Variants in CDH13 observed in about 807,000 individuals in gnomAD.
CDH13 encodes the protein cadherin-13.
Under a neutral mutation model 63.8 loss-of-function variants are expected in CDH13, and 24 were observed. That is an observed-to-expected ratio of 0.38 (90% CI 0.27 to 0.53). The LOEUF (loss-of-function observed/expected upper bound fraction) is 0.53, where lower values mean the gene tolerates loss of function less well. Ranked by LOEUF, CDH13 falls within the 20% of genes least tolerant of loss-of-function variation. CDH13 has a pLI of 0.85. For synonymous variants in CDH13, 503 were observed against 355.3 expected (o/e 1.42, Z -4.67); for missense variants, 1,049 against 903.1 (o/e 1.16, Z -2.07).
intron 10 of CDH13, among the ~76,000 whole-genome samples, chr16:83,691,417 G>T (rs978085776): frequency 6.6e-6 from 1 of 152,102 alleles, no homozygotes; most frequent in Non-Finnish European, 1.5e-5. Context: ...GTGAACGTAG[G>T]GCTGTGGCCA....
intron 3 of CDH13, among the ~76,000 whole-genome samples, chr16:83,086,319 A>G (rs1422714634): frequency 6.6e-6 from 1 of 152,240 alleles, no homozygotes; most frequent in Non-Finnish European, 1.5e-5. Flanking sequence ...CAGTATTTCA[A>G]TTCCAGATCT....
intron 7 of CDH13, among the ~76,000 whole-genome samples, chr16:83,581,516 C>T (rs543564265): frequency 6.6e-6 from 1 of 152,164 alleles, no homozygotes; most frequent in Non-Finnish European, 1.5e-5. Flanking sequence ...TCTCAGGCCA[C>T]CCTATTTAAA....
chr16:83,788,404 T>G (rs1272227882), intron 13 of CDH13, among the ~76,000 whole-genome samples: 1 of 152,164 alleles, frequency 6.6e-6, no homozygotes, highest in African/African-American at 2.4e-5. Context: ...TACAATATTT[T>G]TATAATAATA....
chr16:83,600,138 G>A (rs58693463), intron 7 of CDH13, among the ~76,000 whole-genome samples: 25,123 of 152,120 alleles, frequency 0.17, 2,282 homozygotes, highest in African/African-American at 0.22. Context: ...CTTGAACCAG[G>A]CAGAACCAGG....
chr16:82,894,730 T>C (rs951403508), intron 2 of CDH13, among the ~76,000 whole-genome samples: 1 of 152,102 alleles, frequency 6.6e-6, no homozygotes, highest in African/African-American at 2.4e-5. Flanking sequence ...CGATGGGAAG[T>C]AATGGGAAGG....
At chr16:83,123,355 C>G (rs894459525) in intron 3 of CDH13, among the ~76,000 whole-genome samples, 6 of 152,090 alleles carry the variant, frequency 3.9e-5, no homozygotes, top group Non-Finnish European at 8.8e-5. Context: ...TCTCGGCTCA[C>G]TGCAACCTCT....
At chr16:82,958,054 T>G (rs1252780415) in intron 2 of CDH13, among the ~76,000 whole-genome samples, 1 of 152,204 alleles carries the variant, frequency 6.6e-6, no homozygotes, top group African/African-American at 2.4e-5. Context: ...CACAGCTCTG[T>G]CTTTCTCTTA....
At chr16:83,787,983 G>C (rs567157520) in intron 13 of CDH13, among the ~76,000 whole-genome samples, 1 of 152,206 alleles carries the variant, frequency 6.6e-6, no homozygotes, top group Non-Finnish European at 1.5e-5. Context: ...GAATAACAGA[G>C]TTTGGATAAA....
chr16:82,679,038 C>G (rs1201055390), intron 1 of CDH13, among the ~76,000 whole-genome samples: 1 of 152,150 alleles, frequency 6.6e-6, no homozygotes, highest in Non-Finnish European at 1.5e-5. Context: ...CACACTCCTC[C>G]CAAGACAGCT....
intron 6 of CDH13, among the ~76,000 whole-genome samples, chr16:83,457,979 A>G (rs1204657688): frequency 6.6e-6 from 1 of 152,190 alleles, no homozygotes; most frequent in Non-Finnish European, 1.5e-5. Context: ...AGCAGAAACA[A>G]AAGAGGGTCC....
At chr16:83,290,223 A>G (rs2089433138) in intron 5 of CDH13, among the ~76,000 whole-genome samples, 1 of 152,196 alleles carries the variant, frequency 6.6e-6, no homozygotes, top group South Asian at 2.1e-4. Flanking sequence ...TTTAATTGTT[A>G]GTATTTACAA....
intron 4 of CDH13, among the ~76,000 whole-genome samples, chr16:83,153,484 G>A (rs534742506): frequency 6.6e-6 from 1 of 152,086 alleles, no homozygotes; most frequent in Non-Finnish European, 1.5e-5. Context: ...CTAATCCCCA[G>A]GCAAGAAAGA....
At chr16:82,916,286 A>G (rs2041986357) in intron 2 of CDH13, among the ~76,000 whole-genome samples, 1 of 152,200 alleles carries the variant, frequency 6.6e-6, no homozygotes, top group African/African-American at 2.4e-5. Flanking sequence ...AAATAAAAGG[A>G]AGACCCTGGC....
At chr16:83,471,307 C>G (rs1401626757) in intron 6 of CDH13, among the ~76,000 whole-genome samples, 2 of 100,782 alleles carry the variant, frequency 2.0e-5, no homozygotes, top group South Asian at 6.5e-4. Flanking sequence ...CGTAGTTTTA[C>G]TCTGTCACCC....
rs146413048 is a variant in CDH13, at chr16:82,663,178, T to C, written c.45+36041T>C. Among the ~76,000 whole-genome samples the C allele has an allele frequency of 1.1e-4, 16 of 152,100 alleles. No individual in the cohort carries two copies. The East Asian group carries it at 3.1e-3, about 29-fold the overall frequency. On this transcript the variant is annotated intron_variant, in intron 1 of 13. Coordinates refer to ENST00000567109, the MANE Select transcript of CDH13 (RefSeq NM_001257.5). ...AAGTGGCCCTTAGCCTCCACTAGGT[T>C]TTTTGTTTGTTTGTTTGTTTGTTTT...
intron 3 of CDH13, among the ~76,000 whole-genome samples, chr16:83,082,278 A>C (rs1352628510): frequency 6.6e-6 from 1 of 152,202 alleles, no homozygotes; most frequent in Non-Finnish European, 1.5e-5. Flanking sequence ...TCAACAGCCC[A>C]AAAAGTCTTA....
chr16:83,084,877 A>G (rs2033482283), intron 3 of CDH13, among the ~76,000 whole-genome samples: 2 of 152,232 alleles, frequency 1.3e-5, no homozygotes, highest in Admixed American at 6.5e-5. Context: ...AATAAGCACA[A>G]AACTTCATCT....
At chr16:82,855,273 G>A (rs1392207734) in intron 1 of CDH13, among the ~76,000 whole-genome samples, 2 of 152,152 alleles carry the variant, frequency 1.3e-5, no homozygotes, top group Non-Finnish European at 2.9e-5. Flanking sequence ...GCCACACATA[G>A]ACAAAGATGG....
At chr16:82,872,302 C>A (rs182142078) in intron 2 of CDH13, among the ~76,000 whole-genome samples, 1 of 152,196 alleles carries the variant, frequency 6.6e-6, no homozygotes, top group Non-Finnish European at 1.5e-5. Flanking sequence ...TTAAGACTAT[C>A]AAATTCTAAG....
Sources: allele counts gnomAD v4.1 joint callset (sites outside exome capture counted in the v4.1 genomes callset), GRCh38; gene constraint gnomAD v4.1.1; transcripts MANE v1.5; gene names NCBI Gene and HGNC (gene_info 2026-07-23, HGNC 2026-07-21).